ADGB: variants seen among roughly 807,000 people sequenced by gnomAD.
ADGB encodes calpain-7-like protein.
Under a neutral mutation model 210.5 loss-of-function variants are expected in ADGB, and 172 were observed. The ratio of observed to expected loss-of-function variants is 0.82; its 90% CI spans 0.72 to 0.93. The LOEUF is 0.93. ADGB is among the 40% of genes least tolerant of loss of function. ADGB has a pLI of 0.00. For missense variants in ADGB, 2,025 were observed against 1,964.8 expected (o/e 1.03, Z -0.58); for synonymous variants, 658 against 662.7 (o/e 0.99, Z 0.11).
At chr6:146,767,746 T>C (rs567631755) in intron 28 of ADGB, among the ~76,000 whole-genome samples, 1 of 145,690 alleles carries the variant, frequency 6.9e-6, no homozygotes, top group South Asian at 2.2e-4. Context: ...AAGTAAGTAT[T>C]CTTATTATCT....
intron 4 of ADGB, among the ~76,000 whole-genome samples, chr6:146,655,912 T>C (rs1268297055): frequency 6.6e-6 from 1 of 152,160 alleles, no homozygotes; most frequent in Non-Finnish European, 1.5e-5. Flanking sequence ...AATTTCCTTA[T>C]AAACCAGGCA....
intron 1 of ADGB, among the ~76,000 whole-genome samples, chr6:146,630,082 C>T (rs1487164776): frequency 6.6e-6 from 1 of 151,130 alleles, no homozygotes; most frequent in African/African-American, 2.4e-5. Flanking sequence ...ACTAAAAATA[C>T]AAAAATTAGC....
chr6:146,654,903 T>G (rs9377015), intron 4 of ADGB, among the ~76,000 whole-genome samples: 92,537 of 151,238 alleles, frequency 0.61, 28,800 homozygotes, highest in African/African-American at 0.74. Flanking sequence ...TGCAAGTAAA[T>G]CTCCATAACT....
intron 1 of ADGB, among the ~76,000 whole-genome samples, chr6:146,617,983 G>T (rs138587044): frequency 0.019 from 2,942 of 151,938 alleles, 41 homozygotes; most frequent in Middle Eastern, 0.058. Flanking sequence ...TAACATAAAA[G>T]CTTGATTAAC....
At chr6:146,769,912 G>T (rs1777627437) in intron 29 of ADGB, among the ~76,000 whole-genome samples, 1 of 152,160 alleles carries the variant, frequency 6.6e-6, no homozygotes, top group African/African-American at 2.4e-5. Flanking sequence ...TCATCATTCA[G>T]AATTTTTAGT....
chr6:146,746,151 A>G (rs949177805), intron 26 of ADGB, 42 bp downstream of exon 26: 9 of 1,334,924 alleles, frequency 6.7e-6, no homozygotes, highest in Middle Eastern at 2.1e-4. Context: ...TTTTTAAAAA[A>G]TATTAATATT....
chr6:146,746,208 A>T, intron 26 of ADGB, 99 bp downstream of exon 26: 4 of 866,972 alleles, frequency 4.6e-6, no homozygotes, highest in Non-Finnish European at 6.8e-6. Flanking sequence ...TCGGTTTTGA[A>T]TTTCAAATTC....
chr6:146,807,992 G>GTTTT lies in ADGB; in HGVS notation c.4818+6000_4818+6003dup, dbSNP rs369961809. Among the ~76,000 whole-genome samples, 723 of 103,128 alleles carry GTTTT rather than the reference G, an allele frequency of 7.0e-3. 29 individuals carry two copies. The highest frequency in any genetic ancestry group is 0.051 in the East Asian group (158 of 3,124). 67.7% of individuals were successfully genotyped at this position (103,128 alleles called of 152,430 possible). On this transcript the variant is annotated intron_variant, in intron 35 of 35. Transcript: ENST00000397944. ...TAAAAATACTAATAACTATGCTTCA[G>GTTTT]TTTTTTTTTTTTTTTTTTTTTTCTG...
intron 26 of ADGB, 70 bp downstream of exon 26, chr6:146,746,179 T>G: frequency 8.7e-7 from 1 of 1,154,566 alleles, no homozygotes; most frequent in Non-Finnish European, 1.2e-6. Flanking sequence ...AAAAATAAAT[T>G]CTGCAGTAAA....
chr6:146,715,056 C>G (rs1157132338), intron 13 of ADGB, among the ~76,000 whole-genome samples: 1 of 152,080 alleles, frequency 6.6e-6, no homozygotes, highest in Non-Finnish European at 1.5e-5. Flanking sequence ...ATATTAATAG[C>G]AGATACCTTG....
chr6:146,704,207 A>G (rs1664176406), intron 13 of ADGB, among the ~76,000 whole-genome samples: 1 of 151,922 alleles, frequency 6.6e-6, no homozygotes, highest in African/African-American at 2.4e-5. Flanking sequence ...TTTGAATATT[A>G]ACCTCTTATC....
rs540765238 is a variant in ADGB, at chr6:146,764,498, A to G, written c.3750+398A>G. The stretch of plus-strand genomic sequence containing the variant: ...CAATTAAAGGGAAAAAAGATAATGT[A>G]CATATTTATAAAACAGCAGACAAAG... On this transcript the variant is annotated intron_variant, in intron 28 of 35. Transcript: ENST00000397944. Among the ~76,000 whole-genome samples, 60 of 152,268 alleles carry G rather than the reference A, an allele frequency of 3.9e-4. 1 individual carries two copies. The South Asian group carries it at 0.012, about 32-fold the overall frequency.
intron 22 of ADGB, 51 bp downstream of exon 22, chr6:146,734,081 T>C (rs1777044191): frequency 6.6e-7 from 1 of 1,513,254 alleles, no homozygotes; most frequent in Non-Finnish European, 8.9e-7. Flanking sequence ...TAAGAATAAA[T>C]ATTTATGTGT....
chr6:146,667,652 A>G (rs1775954198), intron 7 of ADGB, among the ~76,000 whole-genome samples: 1 of 152,104 alleles, frequency 6.6e-6, no homozygotes. Context: ...ATTATTTATT[A>G]TGGTAAAACA....
Position 146,788,533 on chromosome 6 carries a change from C to T in ADGB, c.4460C>T (p.Ser1487Phe), listed in dbSNP as rs771072206. 6 of 1,551,444 alleles carry T rather than the reference C, an allele frequency of 3.9e-6. No individual in the cohort carries two copies. Among genetic ancestry groups the T allele is most frequent in the Non-Finnish European group, 5.2e-6 (6 of 1,146,906 alleles). Residue 1487 changes from serine (S) to phenylalanine (F), a missense_variant, in exon 33 of 36, where the codon TCC (serine) becomes TTC (phenylalanine). Transcript: ENST00000397944. The part of the protein sequence containing the change: ...LTKGLRDVAK[S>F]TSSESGGVSS... ...AAAGGCTTGAGGGATGTGGCAAAAT[C>T]CACGAGTAGCGAAAGTGGAGGAGTG...
intron 29 of ADGB, among the ~76,000 whole-genome samples, chr6:146,777,036 C>T (rs1045978103): frequency 2.6e-5 from 4 of 151,832 alleles, no homozygotes; most frequent in Admixed American, 6.6e-5. Context: ...TCCTATAGAG[C>T]GCTCACAGTC....
chr6:146,665,876 A>C (rs1280113900), intron 6 of ADGB, among the ~76,000 whole-genome samples: 1 of 152,082 alleles, frequency 6.6e-6, no homozygotes, highest in African/African-American at 2.4e-5. Flanking sequence ...TTCAATGTCA[A>C]TGTGAGATAT....
chr6:146,718,873 G>C (rs1776773959), intron 16 of ADGB, among the ~76,000 whole-genome samples: 1 of 152,200 alleles, frequency 6.6e-6, no homozygotes, highest in Non-Finnish European at 1.5e-5. Context: ...CTGGGGGAAA[G>C]AAATCCTTCA....
intron 9 of ADGB, among the ~76,000 whole-genome samples, chr6:146,680,877 T>G (rs1776148511): frequency 6.6e-6 from 1 of 152,098 alleles, no homozygotes; most frequent in Non-Finnish European, 1.5e-5. Flanking sequence ...GAGATAAGGC[T>G]GGTGTTGAAG....
Sources: allele counts gnomAD v4.1 joint callset (sites outside exome capture counted in the v4.1 genomes callset), GRCh38; gene constraint gnomAD v4.1.1; transcripts MANE v1.5; gene names NCBI Gene and HGNC (gene_info 2026-07-23, HGNC 2026-07-21).